The following LRTM1 variants were observed in gnomAD, a reference collection of about 807,000 sequenced individuals.
LRTM1 encodes leucine-rich repeat and transmembrane domain-containing protein 1.
In LRTM1, 38 loss-of-function variants were observed where a neutral mutation model predicts 32.4. The ratio of observed to expected loss-of-function variants is 1.17; its 90% CI spans 0.91 to 1.54. LRTM1 has a LOEUF of 1.54. Ranked by LOEUF, LRTM1 falls within the 40% of genes most tolerant of loss-of-function variation. The pLI, the probability that LRTM1 is intolerant of heterozygous loss-of-function variation, is 0.00. For missense variants in LRTM1, 466 were observed against 415.4 expected, an observed-to-expected ratio of 1.12 and a Z score of -1.06; for synonymous variants, 186 against 169.9, an observed-to-expected ratio of 1.09 and a Z score of -0.74.
intron 2 of LRTM1, among the ~76,000 whole-genome samples, chr3:54,922,245 C>T (rs1356006644): frequency 6.6e-6 from 1 of 151,986 alleles, no homozygotes; most frequent in Admixed American, 6.6e-5. Flanking sequence ...TCCCAAAGAC[C>T]ACCAGCAAGT....
In LRTM1 at chr3:54,950,683, A is replaced by G. The variant is rs190150386; in HGVS notation, c.-222+16245T>C. ...TCCTTATCTAGGACCCAGGTTCTCT[A>G]CTCACGAAAGGAACCCGTTCTTTTA... On this transcript the variant is annotated intron_variant, in intron 1 of 2. Transcript: ENST00000493075. 1.8e-4 allele frequency among the ~76,000 whole-genome samples: 27 copies of G among 152,156 alleles called. 1 individual carries two copies. The East Asian group carries it at 5.0e-3, about 28-fold the overall frequency.
At chr3:54,947,712 G>A (rs867863364) in intron 1 of LRTM1, among the ~76,000 whole-genome samples, 30 of 152,092 alleles carry the variant, frequency 2.0e-4, no homozygotes, top group African/African-American at 6.3e-4. Flanking sequence ...GTCAGGACTC[G>A]GTCTTGGGAA....
intron 1 of LRTM1, among the ~76,000 whole-genome samples, chr3:54,966,467 T>C (rs910956616): frequency 1.3e-4 from 20 of 152,164 alleles, no homozygotes; most frequent in African/African-American, 4.8e-4. Context: ...CCCCAACAGC[T>C]GATTTACTAA....
upstream of LRTM1, chr3:54,928,067 G>T: frequency 1.5e-6 from 1 of 681,618 alleles, no homozygotes; most frequent in Non-Finnish European, 2.6e-6. Flanking sequence ...AACAGTTGTT[G>T]CTTTCAAAAG....
chr3:54,938,779 G>A (rs1208602118), intron 1 of LRTM1, among the ~76,000 whole-genome samples: 1 of 152,118 alleles, frequency 6.6e-6, no homozygotes, highest in African/African-American at 2.4e-5. Flanking sequence ...AAGTTGTTGT[G>A]GTCTGTGCAT....
intron 1 of LRTM1, among the ~76,000 whole-genome samples, chr3:54,946,142 TG>T (rs1244175816): frequency 2.6e-5 from 4 of 152,214 alleles, no homozygotes; most frequent in African/African-American, 4.8e-5. Context: ...CTCAGTTCTA[TG>T]GAATTCCACC....
At chr3:54,944,411 T>A (rs1306163177) in intron 1 of LRTM1, among the ~76,000 whole-genome samples, 1 of 143,600 alleles carries the variant, frequency 7.0e-6, no homozygotes, top group Non-Finnish European at 1.6e-5. Context: ...TATTTATTTA[T>A]TTATTTATTT....
Position 54,924,966 on chromosome 3 carries a change from A to C in LRTM1, c.257T>G (p.Leu86Arg). 6.2e-7 allele frequency: 1 copy of C among 1,611,180 alleles called. No individual in the cohort carries two copies. Among genetic ancestry groups the C allele is most frequent in the African/African-American group, 1.3e-5 (1 of 75,000 alleles). ...GAAAGCTCCAGGGGCCAGATTTGAA[A>C]GGGAATTGTTGGACAAGTTTAAGGT... is the stretch of plus-strand genomic sequence containing the variant. The part of the protein sequence containing the change: ...LMTLNLSNNS[L>R]SNLAPGAFHG... Residue 86 changes from leucine to arginine, a missense_variant, in exon 2 of 3, where the codon CTT (leucine) becomes CGT (arginine). Transcript: ENST00000273286.
At chr3:54,943,418 T>G (rs933397174) in intron 1 of LRTM1, among the ~76,000 whole-genome samples, 3 of 152,204 alleles carry the variant, frequency 2.0e-5, no homozygotes, top group African/African-American at 7.2e-5. Flanking sequence ...TGCTTTGGAC[T>G]TTTTACACCG....
chr3:54,962,434 A>C (rs1280402874), intron 1 of LRTM1, among the ~76,000 whole-genome samples: 1 of 152,212 alleles, frequency 6.6e-6, no homozygotes, highest in Non-Finnish European at 1.5e-5. Context: ...ATTAGCCATG[A>C]AACATAAGAA....
intron 1 of LRTM1, among the ~76,000 whole-genome samples, chr3:54,926,544 A>G (rs1701026722): frequency 2.4e-5 from 3 of 122,934 alleles, no homozygotes; most frequent in South Asian, 4.9e-4. Context: ...ACACACACAC[A>G]CACACACACT....
At chr3:54,933,097 CTTCCTTCCTTCCTTCCTTCT>C (rs1471030443) in intron 1 of LRTM1, among the ~76,000 whole-genome samples, 8 of 99,350 alleles carry the variant, frequency 8.1e-5, no homozygotes, top group Admixed American at 6.6e-4. Flanking sequence ...TCCTTCCTTC[CTTCCTTCCTTCCTTCCTTCT>C]TTCTGGACCT....
At chr3:54,930,284 C>G (rs1701151725), upstream of LRTM1, among the ~76,000 whole-genome samples, 1 of 152,154 alleles carries the variant, frequency 6.6e-6, no homozygotes, top group Admixed American at 6.6e-5. Context: ...ATCCACTCTC[C>G]TGTTGCCTCA....
At chr3:54,937,733 C>T (rs111827646) in intron 1 of LRTM1, among the ~76,000 whole-genome samples, 190 of 151,944 alleles carry the variant, frequency 1.3e-3, no homozygotes, top group African/African-American at 4.4e-3. Flanking sequence ...GGGGAAGAGA[C>T]GAGGGCCATT....
At chr3:54,919,734 A>G (rs779710570) in intron 2 of LRTM1, among the ~76,000 whole-genome samples, 1 of 152,244 alleles carries the variant, frequency 6.6e-6, no homozygotes, top group Non-Finnish European at 1.5e-5. Flanking sequence ...ATTTTCTGCC[A>G]TGAAAACATG....
chr3:54,955,141 A>G (rs755047978), intron 1 of LRTM1, among the ~76,000 whole-genome samples: 1 of 152,216 alleles, frequency 6.6e-6, no homozygotes, highest in Non-Finnish European at 1.5e-5. Context: ...TGATTATCCA[A>G]TAACCCAGTG....
Position 54,925,079 on chromosome 3 carries a change from T to C in LRTM1, c.144A>G (p.Leu48=). The C allele has an allele frequency of 6.2e-7, 1 of 1,613,860 alleles. No individual in the cohort carries two copies. The highest frequency in any genetic ancestry group is 1.1e-5 in the South Asian group (1 of 91,050). ...QQGLAEIPSH[L]PPQTRTLHLQ... ...AATGCAGCGTTCGAGTCTGAGGAGG[T>C]AAATGGGAAGGGATTTCGGCCAGAC... The change falls in exon 2 of 3, where the codon TTA becomes TTG. Residue 48 remains leucine (L), a synonymous_variant. Coordinates refer to ENST00000273286, the MANE Select transcript of LRTM1 (RefSeq NM_020678.4).
intron 1 of LRTM1, among the ~76,000 whole-genome samples, chr3:54,956,309 T>C (rs939171090): frequency 1.3e-5 from 2 of 152,152 alleles, no homozygotes; most frequent in African/African-American, 4.8e-5. Context: ...AGTCATCCTT[T>C]CCATGTACAA....
At position 54,924,745 on chromosome 3, in the gene LRTM1, G is replaced by A. The variant is rs767403998; in HGVS notation, c.478C>T (p.Gln160Ter). 5 of 1,614,048 alleles carry A rather than the reference G, an allele frequency of 3.1e-6. No homozygotes were observed. In the South Asian group the frequency reaches 4.4e-5, roughly 14 times the overall value. ...ILAVQQNQLQ[Q>*]LDRALLESMP... ...GATTCCAGGAGCGCTCGATCAAGCT[G>A]CTGAAGCTGGTTTTGTTGAACCGCA... is the stretch of plus-strand genomic sequence containing the variant. Residue 160 changes from glutamine (Q) to a stop codon, truncating the protein, a stop_gained, in exon 2 of 3, where the codon CAG becomes TAG. Coordinates refer to ENST00000273286, the MANE Select transcript of LRTM1 (RefSeq NM_020678.4). LOFTEE classifies it high-confidence loss of function.
Sources: allele counts gnomAD v4.1 joint callset (sites outside exome capture counted in the v4.1 genomes callset), GRCh38; gene constraint gnomAD v4.1.1; transcripts MANE v1.5; gene names NCBI Gene and HGNC (gene_info 2026-07-23, HGNC 2026-07-21).